Variants in GRXCR2 observed in about 807,000 individuals in gnomAD.
GRXCR2 encodes the protein glutaredoxin and cysteine rich domain containing 2.
GRXCR2 carries 23 observed loss-of-function variants against 24.8 expected under a neutral mutation model. The ratio of observed to expected loss-of-function variants is 0.93; its 90% CI spans 0.67 to 1.32. The LOEUF is 1.32. Among genes scored for constraint, GRXCR2 ranks in the 40% most tolerant of loss-of-function variants. The pLI is 0.00. For missense variants in GRXCR2, 315 were observed against 303.4 expected, an observed-to-expected ratio of 1.04 and a Z score of -0.28; for synonymous variants, 130 against 116.1, an observed-to-expected ratio of 1.12 and a Z score of -0.77.
At chr5:145,915,127 C>G (rs1757218958) in intron 2 of GRXCR2, among the ~76,000 whole-genome samples, 1 of 152,148 alleles carries the variant, frequency 6.6e-6, no homozygotes, top group Non-Finnish European at 1.5e-5. Flanking sequence ...CCCCACCCAT[C>G]TATGGATGGC....
At chr5:145,877,286 G>A (rs1311628200), upstream of GRXCR2, among the ~76,000 whole-genome samples, 2 of 150,956 alleles carry the variant, frequency 1.3e-5, no homozygotes, top group Non-Finnish European at 2.9e-5. Flanking sequence ...AAAAAGGAGA[G>A]GAGACACTTG....
chr5:145,888,505 A>G (rs1049566889), intron 2 of GRXCR2, among the ~76,000 whole-genome samples: 6 of 152,208 alleles, frequency 3.9e-5, no homozygotes, highest in African/African-American at 1.4e-4. Flanking sequence ...TACTTGATCT[A>G]GGAGAATGTA....
upstream of GRXCR2, among the ~76,000 whole-genome samples, chr5:145,873,506 C>A (rs1756566448): frequency 1.3e-5 from 2 of 152,160 alleles, no homozygotes; most frequent in Admixed American, 6.5e-5. Flanking sequence ...TTATCTTCAT[C>A]ATTTGTCTGC....
intron 2 of GRXCR2, among the ~76,000 whole-genome samples, chr5:145,903,192 C>T (rs374990902): frequency 1.3e-5 from 2 of 152,218 alleles, no homozygotes; most frequent in East Asian, 3.9e-4. Flanking sequence ...CGTGCTTAAC[C>T]TCTCTGAATC....
At chr5:145,912,030 G>A (rs531313425) in intron 2 of GRXCR2, among the ~76,000 whole-genome samples, 8 of 152,300 alleles carry the variant, frequency 5.3e-5, no homozygotes, top group African/African-American at 1.4e-4. Flanking sequence ...CCAGGAGATC[G>A]AAGCTGCAGT....
chr5:145,872,552 A>C, intron 1 of GRXCR2, 81 bp downstream of exon 1: 1 of 1,248,204 alleles, frequency 8.0e-7, no homozygotes, highest in Admixed American at 2.5e-5. Flanking sequence ...CAAGACACAA[A>C]TCTGAACCAT....
intron 2 of GRXCR2, among the ~76,000 whole-genome samples, chr5:145,882,858 C>T (rs1028592575): frequency 3.9e-5 from 6 of 151,914 alleles, no homozygotes; most frequent in African/African-American, 1.5e-4. Flanking sequence ...AGGGATGAGT[C>T]CATGTCCTTT....
At chr5:145,907,212 G>C (rs940759967) in intron 2 of GRXCR2, among the ~76,000 whole-genome samples, 1 of 152,004 alleles carries the variant, frequency 6.6e-6, no homozygotes, top group Admixed American at 6.6e-5. Context: ...GCAGAGGAGG[G>C]GCATGTACTG....
intron 2 of GRXCR2, among the ~76,000 whole-genome samples, chr5:145,901,778 A>C (rs2149922703): frequency 6.6e-6 from 1 of 152,254 alleles, no homozygotes; most frequent in Non-Finnish European, 1.5e-5. Flanking sequence ...GCGGGAATGT[A>C]ACTAATAGGT....
chr5:145,897,084 T>C (rs1390607050), intron 2 of GRXCR2, among the ~76,000 whole-genome samples: 2 of 127,810 alleles, frequency 1.6e-5, no homozygotes, highest in Admixed American at 1.0e-4. Context: ...AATTGAACAA[T>C]GAGAACACAT....
upstream of GRXCR2, among the ~76,000 whole-genome samples, chr5:145,876,928 A>G (rs1173215193): frequency 6.6e-6 from 1 of 152,208 alleles, no homozygotes; most frequent in Non-Finnish European, 1.5e-5. Flanking sequence ...CTGTAGCTCC[A>G]TATATCCAAA....
Position 145,922,823 on chromosome 5 carries a change from C to G in GRXCR2, c.-70+12878G>C, listed in dbSNP as rs532905095. Among the ~76,000 whole-genome samples the G allele has an allele frequency of 9.8e-5, 15 of 152,356 alleles. No homozygotes were observed. The South Asian group carries it at 3.1e-3, about 32-fold the overall frequency. ...GTAACAAAACCAAAGCTAGGCCAAA[C>G]TCCCAGAACTAGCCCTAGTCTGTAA... On this transcript the variant is annotated intron_variant, in intron 2 of 3. Transcript: ENST00000639411.
chr5:145,892,481 C>T (rs561742977), intron 2 of GRXCR2, among the ~76,000 whole-genome samples: 8 of 152,150 alleles, frequency 5.3e-5, no homozygotes, highest in Non-Finnish European at 1.0e-4. Flanking sequence ...AACTACATGA[C>T]GAATGCACAA....
At chr5:145,864,763 A>C (rs1287702199) in intron 2 of GRXCR2, among the ~76,000 whole-genome samples, 1 of 152,058 alleles carries the variant, frequency 6.6e-6, no homozygotes, top group Non-Finnish European at 1.5e-5. Flanking sequence ...TTTATGTATT[A>C]CTCAGTCTCA....
At chr5:145,913,830 C>T (rs565542273) in intron 2 of GRXCR2, among the ~76,000 whole-genome samples, 1 of 151,874 alleles carries the variant, frequency 6.6e-6, no homozygotes, top group African/African-American at 2.4e-5. Flanking sequence ...TAGCTGGGGA[C>T]AATAATCTTT....
At chr5:145,892,744 A>C (rs1756888344) in intron 2 of GRXCR2, among the ~76,000 whole-genome samples, 1 of 152,232 alleles carries the variant, frequency 6.6e-6, no homozygotes, top group Non-Finnish European at 1.5e-5. Flanking sequence ...CCAATCTAGC[A>C]AGGCAGGCCA....
At chr5:145,865,369 C>T (rs1403926142) in intron 2 of GRXCR2, among the ~76,000 whole-genome samples, 2 of 152,178 alleles carry the variant, frequency 1.3e-5, no homozygotes, top group Non-Finnish European at 2.9e-5. Context: ...GCCCTCCTCC[C>T]CCTGGTCTGA....
At chr5:145,865,069 C>T (rs1389196434) in intron 2 of GRXCR2, among the ~76,000 whole-genome samples, 1 of 152,136 alleles carries the variant, frequency 6.6e-6, no homozygotes, top group Non-Finnish European at 1.5e-5. Flanking sequence ...TTTGGTGCCT[C>T]TTGTCTAAGG....
intron 2 of GRXCR2, among the ~76,000 whole-genome samples, chr5:145,903,312 T>C (rs763385131): frequency 6.6e-6 from 1 of 152,212 alleles, no homozygotes; most frequent in Non-Finnish European, 1.5e-5. Flanking sequence ...GTCCTGCTAG[T>C]GGCTGAAGAC....
Sources: gnomAD v4.1 joint callset for allele counts (sites outside exome capture counted in the v4.1 genomes callset) on GRCh38, gnomAD v4.1.1 for gene constraint, MANE v1.5 for transcripts, NCBI Gene and HGNC (gene_info 2026-07-23, HGNC 2026-07-21) for gene names.